Variants in TUBGCP3 observed in about 807,000 individuals in gnomAD.
TUBGCP3 encodes tubulin gamma complex component 3, also known as gamma-tubulin complex component 3.
In TUBGCP3, 50 loss-of-function variants were observed where a neutral mutation model predicts 123.1. The ratio of observed to expected loss-of-function variants is 0.41; its 90% CI spans 0.32 to 0.51. TUBGCP3 has a LOEUF of 0.51. TUBGCP3 is among the 20% of genes least tolerant of loss of function. The probability of loss-of-function intolerance (pLI) is 0.36; values close to 1 mark genes in which losing one functional copy is unlikely to be tolerated. For synonymous variants in TUBGCP3, 405 were observed against 413.9 expected, an observed-to-expected ratio of 0.98 and a Z score of 0.26; for missense variants, 882 against 1,127.0, an observed-to-expected ratio of 0.78 and a Z score of 3.11.
chr13:112,591,104 C>G (rs1882874417), upstream of TUBGCP3, among the ~76,000 whole-genome samples: 1 of 152,204 alleles, frequency 6.6e-6, no homozygotes, highest in African/African-American at 2.4e-5. Flanking sequence ...AGCCAGGAGA[C>G]TTTGTAGGAA....
At chr13:112,601,433 G>C in the TUBGCP3 span, among the ~76,000 whole-genome samples, 1 of 152,198 alleles carries the variant, frequency 6.6e-6, no homozygotes, top group Non-Finnish European at 1.5e-5. Flanking sequence ...TGAGATGAGT[G>C]TGGATTCATT....
chr13:112,494,600 A>G (rs1011459034), intron 20 of TUBGCP3, among the ~76,000 whole-genome samples: 2 of 152,172 alleles, frequency 1.3e-5, no homozygotes, highest in Non-Finnish European at 2.9e-5. Context: ...TTTAACTACT[A>G]TGATCTTATT....
At chr13:112,598,251 C>T in the TUBGCP3 span, among the ~76,000 whole-genome samples, 12 of 151,308 alleles carry the variant, frequency 7.9e-5, no homozygotes, top group African/African-American at 2.2e-4. Context: ...TTTAGAAGAA[C>T]GGAAATGAAA....
rs866151441 is a variant in TUBGCP3, at chr13:112,560,425, G to A, written c.253-1026C>T. Reference sequence around the variant, plus strand: ...AGCCTGGGCGACAGAGCGAGACTCCGTCTCAAAAAAAAAAAAAAAGTGGGT... The same window carrying A: ...AGCCTGGGCGACAGAGCGAGACTCCATCTCAAAAAAAAAAAAAAAGTGGGT... On this transcript the variant is annotated intron_variant, in intron 3 of 21. Transcript: ENST00000261965. Among the ~76,000 whole-genome samples the A allele has an allele frequency of 5.4e-4, 81 of 149,502 alleles. 1 individual carries two copies. Among genetic ancestry groups the A allele is most frequent in the African/African-American group, 1.6e-3 (65 of 40,594 alleles).
At chr13:112,510,255 C>G (rs982262168) in intron 17 of TUBGCP3, among the ~76,000 whole-genome samples, 2 of 152,210 alleles carry the variant, frequency 1.3e-5, no homozygotes, top group Non-Finnish European at 2.9e-5. Context: ...GTTCAGGCAC[C>G]TTCCGCCAGA....
intron 11 of TUBGCP3, among the ~76,000 whole-genome samples, chr13:112,535,316 C>A (rs1384333731): frequency 6.6e-6 from 1 of 152,162 alleles, no homozygotes; most frequent in South Asian, 2.1e-4. Context: ...AGGAGTAGAA[C>A]TGTTGGGTCA....
chr13:112,545,584 T>C lies in TUBGCP3; in HGVS notation c.1335+115A>G, dbSNP rs1206004908. The C allele has an allele frequency of 2.5e-6, 3 of 1,178,976 alleles. No homozygotes were observed. 73.0% of individuals were successfully genotyped at this position (1,178,976 alleles called of 1,614,324 possible). ...AAATGTATATGGTATTCAATGGAAG[T>C]GCAGTTGCATTCCTGTTAGGAGAAC... On this transcript the variant is annotated intron_variant, in intron 11 of 21. Transcript: ENST00000261965. This position sits in a 1 kb window ranked among gnomAD's most constrained non-coding sequence, Gnocchi z 4.1.
At chr13:112,599,497 A>G in the TUBGCP3 span, among the ~76,000 whole-genome samples, 1 of 151,696 alleles carries the variant, frequency 6.6e-6, no homozygotes, top group Admixed American at 6.6e-5. Context: ...CTACTTTGCT[A>G]TGGTTTTTTG....
intron 11 of TUBGCP3, among the ~76,000 whole-genome samples, chr13:112,537,966 T>C (rs1248099792): frequency 6.6e-6 from 1 of 152,248 alleles, no homozygotes. Context: ...TACAGAATTC[T>C]TGAATCATCA....
the TUBGCP3 span, among the ~76,000 whole-genome samples, chr13:112,602,437 A>G: frequency 6.6e-6 from 1 of 152,086 alleles, no homozygotes; most frequent in Non-Finnish European, 1.5e-5. Flanking sequence ...GTGAGCCACC[A>G]CCGTGGTCAG....
chr13:112,508,280 T>A lies in TUBGCP3; in HGVS notation c.2087-3566A>T, dbSNP rs1881436830. On this transcript the variant is annotated intron_variant, in intron 17 of 21. Transcript: ENST00000261965. This position sits in a 1 kb window ranked among gnomAD's most constrained non-coding sequence, Gnocchi z 4.2. The stretch of plus-strand genomic sequence containing the variant: ...AATCCATCTATTCCTCCTCTGTGAT[T>A]TTCAGCCTCCCCCTCCTTCTCCATA... 6.6e-6 allele frequency among the ~76,000 whole-genome samples: 1 copy of A among 152,206 alleles called. No homozygotes were observed. The highest frequency in any genetic ancestry group is 1.5e-5 in the Non-Finnish European group (1 of 68,030).
chr13:112,497,115 C>T (rs1430790910), intron 20 of TUBGCP3, among the ~76,000 whole-genome samples: 1 of 152,124 alleles, frequency 6.6e-6, no homozygotes, highest in Admixed American at 6.5e-5. Flanking sequence ...CACTTGAATG[C>T]CTACTAAATA....
chr13:112,497,099 A>G (rs983713892), intron 20 of TUBGCP3, among the ~76,000 whole-genome samples: 1 of 152,204 alleles, frequency 6.6e-6, no homozygotes, highest in Non-Finnish European at 1.5e-5. Flanking sequence ...GGCAGTGGCC[A>G]GCATGCACTT....
chr13:112,584,281 T>C (rs576258027), intron 1 of TUBGCP3: 1 of 152,350 alleles, frequency 6.6e-6, no homozygotes, highest in East Asian at 1.9e-4. Flanking sequence ...GTTATATCTA[T>C]CCACAGTTAC....
chr13:112,534,699 G>A (rs1877896974), intron 11 of TUBGCP3, among the ~76,000 whole-genome samples: 1 of 152,160 alleles, frequency 6.6e-6, no homozygotes, highest in Non-Finnish European at 1.5e-5. Flanking sequence ...AGAAGACCCG[G>A]GAAAGGAGCC....
At chr13:112,575,206 C>T (rs956972510) in intron 1 of TUBGCP3, among the ~76,000 whole-genome samples, 48 of 152,076 alleles carry the variant, frequency 3.2e-4, no homozygotes, top group African/African-American at 9.7e-4. Context: ...TGTGTACTAT[C>T]GAGAAGGAGC....
chr13:112,541,210 A>G (rs142184842), intron 11 of TUBGCP3, among the ~76,000 whole-genome samples: 1,816 of 152,320 alleles, frequency 0.012, 21 homozygotes, highest in South Asian at 0.032. Context: ...CAGAGAATCA[A>G]TAAAGAACTC....
chr13:112,534,305 G>A (rs1315436701), intron 11 of TUBGCP3, among the ~76,000 whole-genome samples: 3 of 152,162 alleles, frequency 2.0e-5, no homozygotes, highest in Non-Finnish European at 1.5e-5. Flanking sequence ...CCAGCACTCT[G>A]GGAGGCCGAG....
chr13:112,527,573 G>C (rs1877238893), intron 11 of TUBGCP3, 89 bp from the exon 12 acceptor site: 8 of 889,552 alleles, frequency 9.0e-6, no homozygotes, highest in Non-Finnish European at 1.3e-5. Context: ...AGTTATTCTA[G>C]AAAGCCAAGT....
Sources: gnomAD v4.1 joint callset for allele counts (sites outside exome capture counted in the v4.1 genomes callset) on GRCh38, gnomAD v4.1.1 for gene constraint, Gnocchi (gnomAD v3.1) non-coding constraint, MANE v1.5 for transcripts, NCBI Gene and HGNC (gene_info 2026-07-23, HGNC 2026-07-21) for gene names.